The following AKAP13 variants were observed in gnomAD, a reference collection of about 807,000 sequenced individuals.
AKAP13 encodes A-kinase anchoring protein 13.
AKAP13 carries 80 observed loss-of-function variants against 264.5 expected under a neutral mutation model. That is an observed-to-expected ratio of 0.30 (90% confidence interval 0.25 to 0.36). The LOEUF is 0.36. AKAP13 is among the 10% of genes least tolerant of loss of function. The probability of loss-of-function intolerance (pLI) is 1.00; values close to 1 mark genes in which losing one functional copy is unlikely to be tolerated. For synonymous variants in AKAP13, 1,380 were observed against 1,250.2 expected, an observed-to-expected ratio of 1.10 and a Z score of -2.19; for missense variants, 3,712 against 3,435.2, an observed-to-expected ratio of 1.08 and a Z score of -2.01.
intron 8 of AKAP13, among the ~76,000 whole-genome samples, chr15:85,617,179 A>G (rs746538292): frequency 1.3e-5 from 2 of 152,222 alleles, no homozygotes; most frequent in Non-Finnish European, 2.9e-5. Flanking sequence ...ACATTGTTAT[A>G]AATTATCTGC....
chr15:85,531,742 A>G (rs1256519181), intron 3 of AKAP13, among the ~76,000 whole-genome samples: 1 of 152,228 alleles, frequency 6.6e-6, no homozygotes, highest in Non-Finnish European at 1.5e-5. Context: ...CTTCTTAGAA[A>G]GAATTCGACT....
rs756880152 is a variant in AKAP13 at position 85,575,211 on chromosome 15, G to A, written c.743G>A (p.Arg248Gln). ...PYGDCSVRHH[R>Q]ELDIYTLTSE... ...GGAGACTGTTCTGTGAGGCATCATCGAGAGTTGGACATCTATACATTAACC... is the reference window on the plus strand; with the variant it reads ...GGAGACTGTTCTGTGAGGCATCATCAAGAGTTGGACATCTATACATTAACC... Residue 248 changes from arginine (R) to glutamine (Q), a missense_variant, in exon 6 of 37, where the codon CGA becomes CAA. Around this residue, in one of 3 missense-constraint regions of AKAP13, gnomAD observed 2,759 missense variants for 2,411.7 expected, o/e 1.14. Transcript: ENST00000394518. 4 of 1,614,096 alleles carry A rather than the reference G, an allele frequency of 2.5e-6. No homozygotes were observed. In the South Asian group the frequency reaches 3.3e-5, roughly 13 times the overall value.
intron 3 of AKAP13, 46 bp from the exon 4 acceptor site, chr15:85,533,538 A>G (rs2077305374): frequency 2.6e-6 from 4 of 1,527,264 alleles, no homozygotes; most frequent in Non-Finnish European, 3.5e-6. Flanking sequence ...TCCTTTCAGC[A>G]GTGAGGCTCT....
At chr15:85,676,205 C>A (rs551401228) in intron 14 of AKAP13, among the ~76,000 whole-genome samples, 1 of 152,184 alleles carries the variant, frequency 6.6e-6, no homozygotes, top group Non-Finnish European at 1.5e-5. Context: ...GCCACCACGC[C>A]CAGCCAGTAG....
chr15:85,418,086 A>G (rs1164795009), intron 1 of AKAP13, among the ~76,000 whole-genome samples: 1 of 148,968 alleles, frequency 6.7e-6, no homozygotes, highest in Non-Finnish European at 1.5e-5. Context: ...TATTATTATT[A>G]TTATTCTGAG....
chr15:85,715,794 A>G lies in AKAP13; in HGVS notation c.5606A>G (p.Gln1869Arg), dbSNP rs774624523. The G allele has an allele frequency of 2.7e-5, 44 of 1,609,162 alleles. No individual in the cohort carries two copies. Among genetic ancestry groups the G allele is most frequent in the Admixed American group, 1.5e-4 (9 of 58,418 alleles). The change falls in exon 20 of 37, where the codon CAG (glutamine) becomes CGG (arginine). Residue 1869 changes from glutamine to arginine, a missense_variant. This residue lies in a region of AKAP13 where 2,759 missense variants were observed against 2,411.7 expected (regional missense o/e 1.14). Coordinates refer to ENST00000394518, the MANE Select transcript of AKAP13 (RefSeq NM_007200.5). ...TAGTGTCCTCCTTTTGCAGCCTCAC[A>G]GCCCAAGGAGCGTCCTCGGTCCGCA... ...PTVIMRNKPS[Q>R]PKERPRSAVL... is the part of the protein sequence containing the mutation.
At chr15:85,495,195 G>A (rs2075836343) in intron 2 of AKAP13, among the ~76,000 whole-genome samples, 1 of 152,094 alleles carries the variant, frequency 6.6e-6, no homozygotes, top group African/African-American at 2.4e-5. Flanking sequence ...TAAGACCAAG[G>A]CCCTGGAACA....
Position 85,533,851 on chromosome 15 carries a change from A to C in AKAP13, c.449A>C (p.Asn150Thr). The stretch of plus-strand genomic sequence containing the variant: ...CACCTGAAGCTGCCCACGGAGTGGA[A>C]TGTATTGGGGACAGATCAGAGTTTG... ...FRHLKLPTEW[N>T]VLGTDQSLHD... The change falls in exon 4 of 37, where the codon AAT becomes ACT. Residue 150 changes from asparagine to threonine, a missense_variant. By Grantham distance (65) the Asn-to-Thr change is moderately conservative. Coordinates refer to ENST00000394518, the MANE Select transcript of AKAP13 (RefSeq NM_007200.5). 1 of 1,612,064 alleles carries C rather than the reference A, an allele frequency of 6.2e-7. No homozygotes were observed. The highest frequency in any genetic ancestry group is 8.5e-7 in the Non-Finnish European group (1 of 1,178,924).
At chr15:85,479,109 G>A (rs2075274598) in intron 1 of AKAP13, among the ~76,000 whole-genome samples, 2 of 152,332 alleles carry the variant, frequency 1.3e-5, no homozygotes, top group South Asian at 2.1e-4. Context: ...TTTGGCCCAT[G>A]TGGTATTTTA....
chr15:85,691,515 A>G (rs909492145), intron 16 of AKAP13, among the ~76,000 whole-genome samples: 18 of 152,336 alleles, frequency 1.2e-4, no homozygotes, highest in African/African-American at 4.3e-4. Flanking sequence ...AAGCTTTGAC[A>G]ACAGCCTCTC....
chr15:85,633,335 T>C (rs937169962), intron 8 of AKAP13, among the ~76,000 whole-genome samples: 10 of 148,674 alleles, frequency 6.7e-5, no homozygotes, highest in Non-Finnish European at 1.2e-4. Flanking sequence ...GCTGTATTCA[T>C]GCAGCCTCTT....
chr15:85,555,959 T>C (rs1031418762), intron 5 of AKAP13, among the ~76,000 whole-genome samples: 3 of 152,256 alleles, frequency 2.0e-5, no homozygotes, highest in Non-Finnish European at 4.4e-5. Context: ...TAATATACTT[T>C]ATTAGCTTCT....
intron 1 of AKAP13, among the ~76,000 whole-genome samples, chr15:85,475,423 C>T (rs919825652): frequency 1.3e-5 from 2 of 152,148 alleles, no homozygotes; most frequent in African/African-American, 4.8e-5. Flanking sequence ...TAGATCTTTG[C>T]AAAGCAGCAG....
chr15:85,611,854 T>A (rs1009997759), intron 8 of AKAP13, among the ~76,000 whole-genome samples: 1 of 152,140 alleles, frequency 6.6e-6, no homozygotes, highest in Non-Finnish European at 1.5e-5. Flanking sequence ...TCTCTCTAGC[T>A]TTCCTTGCCT....
At chr15:85,733,651 G>T (rs2088208690) in intron 30 of AKAP13, among the ~76,000 whole-genome samples, 1 of 151,836 alleles carries the variant, frequency 6.6e-6, no homozygotes, top group South Asian at 2.1e-4. Context: ...TAATACTTTT[G>T]ATCTCTTCAT....
At chr15:85,564,737 A>C (rs1237728789) in intron 5 of AKAP13, among the ~76,000 whole-genome samples, 1 of 152,164 alleles carries the variant, frequency 6.6e-6, no homozygotes, top group East Asian at 1.9e-4. Context: ...AAACCATCTT[A>C]AACGTTGTGA....
chr15:85,520,130 G>T (rs1278555480), intron 2 of AKAP13, among the ~76,000 whole-genome samples: 1 of 151,772 alleles, frequency 6.6e-6, no homozygotes, highest in Non-Finnish European at 1.5e-5. Context: ...TAATAATTAG[G>T]ACTGTATTTC....
intron 20 of AKAP13, chr15:85,717,066 T>C: frequency 2.2e-6 from 1 of 461,912 alleles, no homozygotes; most frequent in Non-Finnish European, 3.8e-6. Flanking sequence ...TTAAAAAGGC[T>C]CAAAAAGTCC....
intron 23 of AKAP13, among the ~76,000 whole-genome samples, chr15:85,721,424 A>C (rs2087273973): frequency 6.6e-6 from 1 of 152,224 alleles, no homozygotes; most frequent in Non-Finnish European, 1.5e-5. Flanking sequence ...TATGAACTGC[A>C]TACAGAAATT....
Sources: allele counts gnomAD v4.1 joint callset (sites outside exome capture counted in the v4.1 genomes callset), GRCh38; gene constraint gnomAD v4.1.1; regional missense constraint gnomAD v4.1.1; transcripts MANE v1.5; gene names NCBI Gene and HGNC (gene_info 2026-07-23, HGNC 2026-07-21).